Variants in JAKMIP3 observed in about 807,000 individuals in gnomAD.
JAKMIP3 encodes Janus kinase and microtubule interacting protein 3, also known as janus kinase and microtubule-interacting protein 3.
In JAKMIP3, 58 loss-of-function variants were observed where a neutral mutation model predicts 118.5. That is an observed-to-expected ratio of 0.49 (90% CI 0.40 to 0.61). The LOEUF is 0.61. JAKMIP3 is among the 20% of genes least tolerant of loss of function. JAKMIP3 has a pLI of 0.00. For missense variants in JAKMIP3, 950 were observed against 1,109.0 expected (o/e 0.86, Z 2.04); for synonymous variants, 486 against 451.2 (o/e 1.08, Z -0.98).
chr10:132,049,937 C>T lies in JAKMIP3; in HGVS notation c.-138+13199C>T, dbSNP rs888222796. On this transcript the variant is annotated intron_variant, in intron 1 of 23. Coordinates refer to the JAKMIP3 transcript ENST00000657785. This position sits in a 1 kb window ranked among gnomAD's most constrained non-coding sequence, Gnocchi z 4.3. The stretch of plus-strand genomic sequence containing the variant: ...ATGAATCCCTTTTCTGTCAGCCTGG[C>T]GATGTCCACACATTTTAGTGAGGTT... 5.9e-5 allele frequency among the ~76,000 whole-genome samples: 9 copies of T among 152,270 alleles called. No homozygotes were observed. Among genetic ancestry groups the T allele is most frequent in the East Asian group, 1.9e-4 (1 of 5,190 alleles).
chr10:132,037,242 G>GA (rs2037539205), intron 1 of JAKMIP3, among the ~76,000 whole-genome samples: 1 of 152,178 alleles, frequency 6.6e-6, no homozygotes, highest in Admixed American at 6.5e-5. Flanking sequence ...AGTTTTCCTA[G>GA]AAAATATTCT....
At chr10:132,109,483 C>T (rs2046514285) in intron 2 of JAKMIP3, among the ~76,000 whole-genome samples, 1 of 152,166 alleles carries the variant, frequency 6.6e-6, no homozygotes, top group Non-Finnish European at 1.5e-5. Flanking sequence ...TTCCTGCGCG[C>T]CCGCAGAGAG....
chr10:132,153,871 G>A, intron 18 of JAKMIP3, 42 bp from the exon 19 acceptor site: 2 of 1,612,786 alleles, frequency 1.2e-6, no homozygotes, highest in Middle Eastern at 1.7e-4. Flanking sequence ...GGTGCTGCAG[G>A]TGGGACATCC....
chr10:132,161,766 G>A (rs192666843), intron 19 of JAKMIP3, among the ~76,000 whole-genome samples: 9 of 60,964 alleles, frequency 1.5e-4, no homozygotes, highest in Non-Finnish European at 2.1e-4. Flanking sequence ...GCTGGGGGGT[G>A]TCTCTCCCTG....
chr10:132,087,725 T>A (rs2042575780), intron 1 of JAKMIP3, among the ~76,000 whole-genome samples: 1 of 151,606 alleles, frequency 6.6e-6, no homozygotes, highest in Non-Finnish European at 1.5e-5. Context: ...TTTTTTTTTA[T>A]ACTTTAAGTT....
At chr10:132,043,409 A>G (rs2037818710) in intron 1 of JAKMIP3, among the ~76,000 whole-genome samples, 1 of 152,004 alleles carries the variant, frequency 6.6e-6, no homozygotes, top group African/African-American at 2.4e-5. Context: ...TGTGTTATAC[A>G]AATCTGCACT....
intron 23 of JAKMIP3, among the ~76,000 whole-genome samples, chr10:132,182,023 G>A (rs921400635): frequency 6.6e-6 from 1 of 152,268 alleles, no homozygotes; most frequent in Non-Finnish European, 1.5e-5. Context: ...TAAGCAATGA[G>A]GGAAGTTGGG....
intron 1 of JAKMIP3, among the ~76,000 whole-genome samples, chr10:132,068,366 A>G (rs1589739187): frequency 6.6e-6 from 1 of 152,126 alleles, no homozygotes; most frequent in Admixed American, 6.5e-5. Flanking sequence ...TTCCATTTGG[A>G]CCCTGAAACG....
rs1014367580 is a variant in JAKMIP3 at position 132,144,721 on chromosome 10, G to A, written c.1603-386G>A. ...AGGCAAGTGGGTTGCTCGAACTCAG[G>A]AGTTTGATACCAGCCTGGGCAACAT... On this transcript the variant is annotated intron_variant, in intron 11 of 23. Coordinates refer to ENST00000684848, the MANE Select transcript of JAKMIP3 (RefSeq NM_001323087.2). The A allele has an allele frequency of 4.6e-5, 8 of 172,584 alleles. 1 individual carries two copies. Among genetic ancestry groups the A allele is most frequent in the African/African-American group, 1.9e-4 (8 of 41,756 alleles). The allele number at this position is 172,584 out of a possible 1,614,324, so 10.7% of individuals were successfully genotyped here.
chr10:132,062,807 T>G (rs1475167253), upstream of JAKMIP3, among the ~76,000 whole-genome samples: 1 of 152,170 alleles, frequency 6.6e-6, no homozygotes, highest in Non-Finnish European at 1.5e-5. Flanking sequence ...TGCCTTTGCA[T>G]GACGGGAGCT....
At chr10:132,171,650 T>TC (rs1367658230) in intron 23 of JAKMIP3, among the ~76,000 whole-genome samples, 1 of 130,206 alleles carries the variant, frequency 7.7e-6, no homozygotes, top group African/African-American at 3.0e-5. Context: ...ATTTTTTTCT[T>TC]TCTTTTTTTT....
At chr10:132,085,153 A>G (rs7918780) in intron 1 of JAKMIP3, among the ~76,000 whole-genome samples, 8,060 of 152,162 alleles carry the variant, frequency 0.053, 450 homozygotes, top group East Asian at 0.15. Flanking sequence ...ATTGGTACCA[A>G]TTCTTTGAAT....
In JAKMIP3 at chr10:132,180,656, T is replaced by TGCGC. The variant is rs1299558343; in HGVS notation, c.*1104-1698_*1104-1697insCGCG. On this transcript the variant is annotated intron_variant, in intron 23 of 23. Coordinates refer to ENST00000684848, the MANE Select transcript of JAKMIP3 (RefSeq NM_001323087.2). ...GTGCGTGCGTGTGTGCGTGTGCGTG[T>TGCGC]GCGTGTGTGCGTGTGTGTGCGCGCG... is the stretch of plus-strand genomic sequence containing the variant. Among the ~76,000 whole-genome samples, 27 of 16,320 alleles carry TGCGC rather than the reference T, an allele frequency of 1.7e-3. 3 individuals are homozygous for TGCGC. The East Asian group carries it at 0.079, about 48-fold the overall frequency. The allele number at this position is 16,320 out of a possible 152,430, so 10.7% of individuals were successfully genotyped here.
At chr10:132,108,182 G>T (rs2046217417) in intron 2 of JAKMIP3, among the ~76,000 whole-genome samples, 1 of 152,176 alleles carries the variant, frequency 6.6e-6, no homozygotes, top group South Asian at 2.1e-4. Flanking sequence ...CTAGGTTGGG[G>T]TTTTCACACC....
upstream of JAKMIP3, among the ~76,000 whole-genome samples, chr10:132,060,349 ACAGG>A (rs1011827312): frequency 6.6e-5 from 10 of 152,206 alleles, no homozygotes; most frequent in Non-Finnish European, 1.2e-4. Flanking sequence ...AGGGGCAGGC[ACAGG>A]CAGGCTCTGA....
At chr10:132,163,568 A>G (rs981676116) in intron 20 of JAKMIP3, among the ~76,000 whole-genome samples, 156 bp downstream of exon 20, 2 of 152,104 alleles carry the variant, frequency 1.3e-5, no homozygotes, top group Non-Finnish European at 2.9e-5. Flanking sequence ...TCTGATGGCT[A>G]CACCCTGATG....
At chr10:132,070,035 G>A (rs1347458717) in intron 1 of JAKMIP3, among the ~76,000 whole-genome samples, 5 of 152,208 alleles carry the variant, frequency 3.3e-5, no homozygotes. Context: ...AGCGGTGAGA[G>A]GTGCGGCTGC....
chr10:132,125,049 A>G (rs1468139053), intron 3 of JAKMIP3, among the ~76,000 whole-genome samples: 1 of 152,134 alleles, frequency 6.6e-6, no homozygotes, highest in African/African-American at 2.4e-5. Context: ...TGTCTTCCTC[A>G]TGCTGGCTTT....
chr10:132,055,778 C>G (rs1044647704), intron 1 of JAKMIP3, among the ~76,000 whole-genome samples: 3 of 152,198 alleles, frequency 2.0e-5, no homozygotes, highest in Non-Finnish European at 4.4e-5. Flanking sequence ...CCTTGCCTCC[C>G]CCGGGGTTTG....
Sources: allele counts gnomAD v4.1 joint callset (sites outside exome capture counted in the v4.1 genomes callset), GRCh38; gene constraint gnomAD v4.1.1; non-coding constraint Gnocchi (gnomAD v3.1); transcripts MANE v1.5; gene names NCBI Gene and HGNC (gene_info 2026-07-23, HGNC 2026-07-21).